ZFX: variants seen among roughly 807,000 people sequenced by gnomAD.
ZFX encodes zinc finger X-chromosomal protein.
For missense variants in ZFX, 362 were observed against 628.3 expected (o/e 0.58, Z 4.53); for synonymous variants, 196 against 226.8 (o/e 0.86, Z 1.22).
At chrX:24,177,212 G>A (rs921611800) in intron 4 of ZFX, among the ~76,000 whole-genome samples, 5 of 112,429 alleles carry the variant, frequency 4.4e-5, no homozygotes, top group Non-Finnish European at 7.5e-5. Context: ...GATTACAGGC[G>A]TGAGCCACTG....
At chrX:24,181,950 G>C (rs1935722339) in intron 5 of ZFX, among the ~76,000 whole-genome samples, 1 of 111,729 alleles carries the variant, frequency 9.0e-6, no homozygotes, top group African/African-American at 3.2e-5. Flanking sequence ...AAGATGATCT[G>C]AAGTACGTTA....
At chrX:24,159,428 T>G (rs1218805883) in intron 3 of ZFX, among the ~76,000 whole-genome samples, 4 of 112,138 alleles carry the variant, frequency 3.6e-5, no homozygotes, top group Non-Finnish European at 7.5e-5. Context: ...TGGGGAGTAT[T>G]TTTTTCTTTT....
At chrX:24,201,169 T>A (rs1462975199) in intron 5 of ZFX, among the ~76,000 whole-genome samples, 1 of 112,588 alleles carries the variant, frequency 8.9e-6, no homozygotes, top group African/African-American at 3.2e-5. Context: ...TTTTTAAAGA[T>A]AAATCATTCC....
rs895452062 is a variant in ZFX at position 24,149,783 on chromosome X, C to T, written c.-261C>T. 1.8e-5 allele frequency: 2 copies of T among 110,425 alleles called. No individual in the cohort carries two copies. Among genetic ancestry groups the T allele is most frequent in the African/African-American group, 6.5e-5 (2 of 30,663 alleles). 9.1% of individuals were successfully genotyped at this position (110,425 alleles called of 1,213,427 possible). On this transcript the variant is annotated 5_prime_UTR_variant, in exon 1 of 10. Transcript: ENST00000304543. Reference sequence around the variant, plus strand: ...ACCCGCCACCGTCGCCGGCCGCCCGCACGTCCGTCCGGTGAGTCCCGGGTG... The same window carrying T: ...ACCCGCCACCGTCGCCGGCCGCCCGTACGTCCGTCCGGTGAGTCCCGGGTG...
intron 3 of ZFX, among the ~76,000 whole-genome samples, chrX:24,163,676 C>T (rs1182683972): frequency 9.4e-6 from 1 of 106,402 alleles, no homozygotes; most frequent in Non-Finnish European, 1.9e-5. Flanking sequence ...CCATGCCCGG[C>T]CGCCTAGCTA....
At position 24,196,198 on chromosome X, in the gene ZFX, T is replaced by C. The variant is rs535468349; in HGVS notation, c.647-11128T>C. On this transcript the variant is annotated intron_variant, in intron 5 of 9. Transcript: ENST00000304543. ...CGTGATCTCAGCTTACCACAACCTC[T>C]GCCTCCCGGGTTCAGGCGATTCTCC... 4.5e-5 allele frequency among the ~76,000 whole-genome samples: 5 copies of C among 110,964 alleles called. No individual in the cohort carries two copies. The South Asian group carries it at 1.5e-3, about 34-fold the overall frequency.
chrX:24,172,064 A>G (rs1279973019), intron 3 of ZFX, among the ~76,000 whole-genome samples: 2 of 111,740 alleles, frequency 1.8e-5, no homozygotes, highest in African/African-American at 6.5e-5. Flanking sequence ...GTGCCAATCA[A>G]CTGTGGCCAG....
chrX:24,150,428 T>C (rs1931927304), intron 1 of ZFX: 1 of 112,222 alleles, frequency 8.9e-6, no homozygotes, highest in African/African-American at 3.2e-5. Context: ...GTGGCGGCCA[T>C]TGCCCTTGCC....
At chrX:24,209,494 C>T (rs1276046652) in intron 9 of ZFX, among the ~76,000 whole-genome samples, 4 of 112,056 alleles carry the variant, frequency 3.6e-5, no homozygotes, top group South Asian at 3.6e-4. Flanking sequence ...TGTAAGTTAA[C>T]GTAAGTTATG....
chrX:24,168,215 T>C (rs1359650328), intron 3 of ZFX, among the ~76,000 whole-genome samples: 1 of 112,601 alleles, frequency 8.9e-6, no homozygotes, highest in African/African-American at 3.2e-5. Flanking sequence ...TGTTTGCCTT[T>C]CCTGCAGCTT....
chrX:24,211,637 G>A lies in ZFX; in HGVS notation c.*261G>A, dbSNP rs1974170598. ...ATAAAGTAATCCCTGATTCTATACCGAAGTTTTATATCTTAGAATTTTATA... is the reference window on the plus strand; with the variant it reads ...ATAAAGTAATCCCTGATTCTATACCAAAGTTTTATATCTTAGAATTTTATA... On this transcript the variant is annotated 3_prime_UTR_variant, in exon 10 of 10. Coordinates refer to ENST00000304543, the MANE Select transcript of ZFX (RefSeq NM_003410.4). 9.3e-6 allele frequency: 3 copies of A among 322,666 alleles called. No homozygotes were observed. Among genetic ancestry groups the A allele is most frequent in the African/African-American group, 2.6e-5 (1 of 37,824 alleles). 26.6% of individuals were successfully genotyped at this position (322,666 alleles called of 1,213,427 possible).
rs66467960 is a variant in ZFX at position 24,163,364 on chromosome X, GTTTTTTTTTTTTTT to G, written c.-28-9333_-28-9320del. ...AATTTGGTTAAATTATTTTTGTTAG[GTTTTTTTTTTTTTT>G]TTTTTTTTTTTTTTTTTGATACAGA... On this transcript the variant is annotated intron_variant, in intron 3 of 9. Coordinates refer to ENST00000304543, the MANE Select transcript of ZFX (RefSeq NM_003410.4). 5.5e-3 allele frequency among the ~76,000 whole-genome samples: 105 copies of G among 19,072 alleles called. 3 individuals are homozygous for G. The East Asian group carries it at 0.13, about 24-fold the overall frequency. 16.6% of individuals were successfully genotyped at this position (19,072 alleles called of 115,157 possible).
chrX:24,175,287 T>C (rs959735573), intron 4 of ZFX: 2 of 112,339 alleles, frequency 1.8e-5, no homozygotes, highest in Non-Finnish European at 3.8e-5. Flanking sequence ...TAGTCTTGAT[T>C]GATAACACTT....
intron 5 of ZFX, among the ~76,000 whole-genome samples, chrX:24,199,780 G>C (rs1937166364): frequency 9.1e-6 from 1 of 110,146 alleles, no homozygotes; most frequent in African/African-American, 3.3e-5. Context: ...AGCCAGGTGT[G>C]GTGGCGCACG....
At chrX:24,165,715 A>G (rs757162790) in intron 3 of ZFX, among the ~76,000 whole-genome samples, 3 of 112,561 alleles carry the variant, frequency 2.7e-5, no homozygotes, top group South Asian at 7.3e-4. Flanking sequence ...ACTTGATACC[A>G]TGTCAGAATC....
At chrX:24,159,403 C>T (rs146899183) in intron 3 of ZFX, among the ~76,000 whole-genome samples, 6,585 of 112,265 alleles carry the variant, frequency 0.059, 517 homozygotes, top group African/African-American at 0.2. Context: ...GTTGTATTAA[C>T]CTCATAAGAT....
intron 5 of ZFX, among the ~76,000 whole-genome samples, chrX:24,188,235 G>A (rs944736145): frequency 9.1e-5 from 10 of 109,689 alleles, no homozygotes; most frequent in Non-Finnish European, 1.3e-4. Context: ...CTACAAAAGC[G>A]TTATAAACTG....
At chrX:24,176,430 ATTTTTTT>A (rs56241839) in intron 4 of ZFX, among the ~76,000 whole-genome samples, 1 of 66,847 alleles carries the variant, frequency 1.5e-5, no homozygotes, top group African/African-American at 6.2e-5. Context: ...TTGGCCTTTG[ATTTTTTT>A]TTTTTTTTTT....
intron 9 of ZFX, 191 bp downstream of exon 9, chrX:24,209,231 CAG>C (rs1431951232): frequency 1.5e-6 from 1 of 662,959 alleles, no homozygotes; most frequent in Admixed American, 4.7e-5. Flanking sequence ...TAAAAAGAAA[CAG>C]GACATGGCTG....
Sources: gnomAD v4.1 joint callset for allele counts (sites outside exome capture counted in the v4.1 genomes callset) on GRCh38, gnomAD v4.1.1 for gene constraint, MANE v1.5 for transcripts, NCBI Gene and HGNC (gene_info 2026-07-23, HGNC 2026-07-21) for gene names.